Variants in TSHZ2 observed in about 807,000 individuals in gnomAD.
TSHZ2 encodes teashirt zinc finger homeobox 2.
A neutral mutation model predicts 74.4 loss-of-function variants in TSHZ2; 21 were observed. The ratio of observed to expected loss-of-function variants is 0.28; its 90% CI spans 0.20 to 0.41. The LOEUF (loss-of-function observed/expected upper bound fraction) is 0.41, where lower values mean the gene tolerates loss of function less well. Ranked by LOEUF, TSHZ2 falls within the 10% of genes least tolerant of loss-of-function variation. The probability of loss-of-function intolerance (pLI) is 1.00; values close to 1 mark genes in which losing one functional copy is unlikely to be tolerated. For synonymous variants in TSHZ2, 540 were observed against 515.3 expected (o/e 1.05, Z -0.65); for missense variants, 1,244 against 1,293.5 (o/e 0.96, Z 0.59).
At chr20:53,044,684 C>G (rs1274548077) in intron 1 of TSHZ2, among the ~76,000 whole-genome samples, 1 of 152,122 alleles carries the variant, frequency 6.6e-6, no homozygotes, top group African/African-American at 2.4e-5. Context: ...GCAGACAGTG[C>G]TGCTTGTATG....
intron 1 of TSHZ2, among the ~76,000 whole-genome samples, chr20:53,024,875 T>G (rs1026100181): frequency 6.6e-6 from 1 of 152,176 alleles, no homozygotes; most frequent in African/African-American, 2.4e-5. Context: ...ATGTACCACA[T>G]TTTCTTTATC....
chr20:53,095,454 C>A (rs550348318), intron 1 of TSHZ2, among the ~76,000 whole-genome samples: 1 of 152,230 alleles, frequency 6.6e-6, no homozygotes, highest in East Asian at 1.9e-4. Flanking sequence ...GCTAGCCAGC[C>A]CCCTGAGAAT....
chr20:52,981,498 G>T (rs962312756), intron 1 of TSHZ2, among the ~76,000 whole-genome samples: 4 of 152,136 alleles, frequency 2.6e-5, no homozygotes, highest in Non-Finnish European at 1.5e-5. Flanking sequence ...GGGATACGAG[G>T]GAATAGTGTG....
intron 1 of TSHZ2, among the ~76,000 whole-genome samples, chr20:53,221,969 G>A (rs6022339): frequency 6.6e-6 from 1 of 152,172 alleles, no homozygotes; most frequent in Non-Finnish European, 1.5e-5. Flanking sequence ...CGTGAAGTTA[G>A]GCGAAATAAG....
intron 1 of TSHZ2, among the ~76,000 whole-genome samples, chr20:52,979,119 G>GA (rs1448033235): frequency 1.3e-5 from 2 of 151,510 alleles, no homozygotes; most frequent in African/African-American, 2.4e-5. Context: ...ATTACAGTAA[G>GA]AAAAAAACAC....
intron 1 of TSHZ2, among the ~76,000 whole-genome samples, chr20:52,996,638 C>T (rs140762329): frequency 6.6e-6 from 1 of 152,236 alleles, no homozygotes; most frequent in African/African-American, 2.4e-5. Context: ...TGTGGAAAAA[C>T]TGATCTAGCA....
intron 2 of TSHZ2, among the ~76,000 whole-genome samples, chr20:53,433,578 C>CACACAG: frequency 8.4e-6 from 1 of 118,758 alleles, no homozygotes; most frequent in African/African-American, 3.5e-5. Context: ...GACACACAGA[C>CACACAG]ACACAGACAC....
intron 2 of TSHZ2, among the ~76,000 whole-genome samples, chr20:53,410,137 G>A (rs1284899870): frequency 4.6e-5 from 7 of 152,048 alleles, no homozygotes; most frequent in Non-Finnish European, 7.4e-5. Context: ...GTAAGCCACC[G>A]TGCCTGGTTT....
At chr20:53,258,046 C>G (rs908195367) in intron 2 of TSHZ2, among the ~76,000 whole-genome samples, 2 of 152,132 alleles carry the variant, frequency 1.3e-5, no homozygotes, top group East Asian at 3.8e-4. Context: ...AAATATCTGA[C>G]CTGGGACTTT....
chr20:53,303,117 TTCTC>T (rs1978378747), intron 2 of TSHZ2, among the ~76,000 whole-genome samples: 2 of 152,248 alleles, frequency 1.3e-5, no homozygotes, highest in Admixed American at 1.3e-4. Context: ...GGATTTCTTT[TTCTC>T]TCAGTACACA....
chr20:53,313,396 G>A (rs866598070), intron 2 of TSHZ2, among the ~76,000 whole-genome samples: 2 of 152,164 alleles, frequency 1.3e-5, no homozygotes, highest in South Asian at 4.1e-4. Flanking sequence ...TCTGACTCAG[G>A]GTCATAGTCA....
intron 2 of TSHZ2, among the ~76,000 whole-genome samples, chr20:53,444,435 A>G (rs1447491744): frequency 6.6e-6 from 1 of 152,118 alleles, no homozygotes; most frequent in African/African-American, 2.4e-5. Context: ...GGAACAGGCA[A>G]GAAAAGGAGA....
chr20:52,980,580 G>A (rs2122876161), intron 1 of TSHZ2, among the ~76,000 whole-genome samples: 2 of 152,258 alleles, frequency 1.3e-5, no homozygotes, highest in South Asian at 4.1e-4. Context: ...CATTTCTATG[G>A]AAATTATATA....
chr20:53,473,085 C>G (rs1444631148), intron 2 of TSHZ2, among the ~76,000 whole-genome samples: 4 of 149,080 alleles, frequency 2.7e-5, no homozygotes, highest in African/African-American at 7.5e-5. Context: ...GGGGGAGGGG[C>G]GCCCGCCATT....
intron 2 of TSHZ2, among the ~76,000 whole-genome samples, chr20:53,484,539 C>A (rs1986242790): frequency 6.6e-6 from 1 of 152,090 alleles, no homozygotes; most frequent in Non-Finnish European, 1.5e-5. Context: ...AGGTGCACCA[C>A]CATGCCCAGC....
In TSHZ2 at chr20:53,010,467, T is replaced by C. The variant is rs114536180; in HGVS notation, c.40+37134T>C. On this transcript the variant is annotated intron_variant, in intron 1 of 2. Transcript: ENST00000371497. The stretch of plus-strand genomic sequence containing the variant: ...TGGAAAACATGACTCTGCTGTTCAG[T>C]GGTTAGAACCAGCTGGATGCAAGAT... Among the ~76,000 whole-genome samples the C allele has an allele frequency of 9.3e-3, 1,413 of 152,078 alleles. 20 individuals carry two copies. The highest frequency in any genetic ancestry group is 0.031 in the African/African-American group (1,301 of 41,490).
chr20:53,082,440 C>G (rs1265242828), intron 1 of TSHZ2, among the ~76,000 whole-genome samples: 2 of 152,194 alleles, frequency 1.3e-5, no homozygotes, highest in East Asian at 1.9e-4. Flanking sequence ...AAAGTAATTA[C>G]CTGTGTAGAA....
intron 1 of TSHZ2, among the ~76,000 whole-genome samples, chr20:53,006,353 C>T (rs538510166): frequency 6.6e-6 from 1 of 152,310 alleles, no homozygotes; most frequent in Non-Finnish European, 1.5e-5. Flanking sequence ...GAAATAGATA[C>T]AGATTTTTAT....
chr20:53,277,551 C>T (rs910556561), intron 2 of TSHZ2, among the ~76,000 whole-genome samples: 6 of 152,036 alleles, frequency 3.9e-5, no homozygotes, highest in Non-Finnish European at 1.5e-5. Flanking sequence ...TGTATGCCAT[C>T]AAAACTTTGT....
Sources: gnomAD v4.1 joint callset for allele counts (sites outside exome capture counted in the v4.1 genomes callset) on GRCh38, gnomAD v4.1.1 for gene constraint, MANE v1.5 for transcripts, NCBI Gene and HGNC (gene_info 2026-07-23, HGNC 2026-07-21) for gene names.